RGL1: variants seen among roughly 807,000 people sequenced by gnomAD.
The protein encoded by RGL1 is ral guanine nucleotide dissociation stimulator like 1.
RGL1 carries 24 observed loss-of-function variants against 95.2 expected under a neutral mutation model. The observed-to-expected ratio is 0.25, with a 90% CI of 0.18 to 0.35. RGL1 has a LOEUF of 0.35. RGL1 is among the 10% of genes least tolerant of loss of function. The pLI, the probability that RGL1 is intolerant of heterozygous loss-of-function variation, is 1.00. For missense variants in RGL1, 715 were observed against 936.3 expected (o/e 0.76, Z 3.08); for synonymous variants, 329 against 344.9 (o/e 0.95, Z 0.51).
intron 15 of RGL1, 90 bp from the exon 16 acceptor site, chr1:183,916,357 A>G: frequency 6.8e-7 from 1 of 1,463,034 alleles, no homozygotes; most frequent in Non-Finnish European, 9.4e-7. Context: ...GCAGTCTATC[A>G]GTCTTGATAT....
In RGL1 at chr1:183,862,490, C is replaced by T. The variant is rs1454722771; in HGVS notation, c.348-3506C>T. Among the ~76,000 whole-genome samples the T allele has an allele frequency of 3.3e-5, 5 of 152,222 alleles. No individual in the cohort carries two copies. The East Asian group carries it at 5.8e-4, about 18-fold the overall frequency. ...CTTCTAAAAGACTTCTTTGGAATAG[C>T]GTGTATACTTTTGTTTTGCATTTTA... On this transcript the variant is annotated intron_variant, in intron 3 of 17. Transcript: ENST00000360851.
At chr1:183,726,517 A>G (rs1441610778) in intron 1 of RGL1, among the ~76,000 whole-genome samples, 1 of 152,156 alleles carries the variant, frequency 6.6e-6, no homozygotes, top group Non-Finnish European at 1.5e-5. Context: ...TTAATAAATT[A>G]AACAACCTTG....
intron 2 of RGL1, among the ~76,000 whole-genome samples, chr1:183,773,084 T>TA (rs1409269306): frequency 6.7e-6 from 1 of 149,926 alleles, no homozygotes; most frequent in Non-Finnish European, 1.5e-5. Context: ...AATGCCTTTG[T>TA]ACATTATATT....
chr1:183,743,127 T>C (rs995908494), intron 2 of RGL1, among the ~76,000 whole-genome samples: 1 of 152,166 alleles, frequency 6.6e-6, no homozygotes, highest in Non-Finnish European at 1.5e-5. Flanking sequence ...TCCTCCTGTC[T>C]CAGGCTCCCA....
At chr1:183,806,295 G>A in intron 1 of RGL1, 80 bp from the exon 2 acceptor site, 3 of 1,066,062 alleles carry the variant, frequency 2.8e-6, no homozygotes, top group South Asian at 2.7e-5. Flanking sequence ...GTTGTAAGCA[G>A]CAAGGCAGCT....
intron 1 of RGL1, chr1:183,646,457 A>C (rs1650300369): frequency 6.6e-6 from 1 of 152,112 alleles, no homozygotes; most frequent in Non-Finnish European, 1.5e-5. Flanking sequence ...ATAGCAAGTT[A>C]CGAGAAAATG....
intron 1 of RGL1, among the ~76,000 whole-genome samples, chr1:183,699,237 C>A (rs887388405): frequency 6.6e-6 from 1 of 152,228 alleles, no homozygotes; most frequent in Admixed American, 6.5e-5. Context: ...TTACCCTGAA[C>A]AATGTTTTTA....
chr1:183,746,748 C>A (rs1387292723), intron 2 of RGL1, among the ~76,000 whole-genome samples: 6 of 151,798 alleles, frequency 4.0e-5, no homozygotes, highest in African/African-American at 1.5e-4. Flanking sequence ...CTGCACCCAT[C>A]AACCTGTCAC....
At chr1:183,888,751 C>T (rs1284165916) in intron 8 of RGL1, among the ~76,000 whole-genome samples, 174 bp downstream of exon 8, 1 of 152,106 alleles carries the variant, frequency 6.6e-6, no homozygotes, top group African/African-American at 2.4e-5. Flanking sequence ...TGAGGCAGGG[C>T]TCCTGCAGAA....
chr1:183,862,901 A>T (rs546140195), intron 3 of RGL1, among the ~76,000 whole-genome samples: 12 of 152,360 alleles, frequency 7.9e-5, no homozygotes, highest in African/African-American at 2.4e-4. Flanking sequence ...AACAAAATGA[A>T]CTACACAGTA....
At chr1:183,913,647 G>C (rs867299660) in intron 15 of RGL1, among the ~76,000 whole-genome samples, 2 of 152,144 alleles carry the variant, frequency 1.3e-5, no homozygotes, top group African/African-American at 2.4e-5. Flanking sequence ...TTAGCTTATG[G>C]TTAGGTCAGT....
At chr1:183,880,361 T>C (rs977420637) in intron 4 of RGL1, among the ~76,000 whole-genome samples, 2 of 131,712 alleles carry the variant, frequency 1.5e-5, no homozygotes, top group Non-Finnish European at 3.3e-5. Flanking sequence ...AAGTTTAGCC[T>C]CCTTAAAACA....
intron 2 of RGL1, among the ~76,000 whole-genome samples, chr1:183,843,058 C>T (rs1572490076): frequency 6.6e-6 from 1 of 152,094 alleles, no homozygotes; most frequent in Admixed American, 6.6e-5. Context: ...TGAATGTTGG[C>T]AAATTAGAAG....
At chr1:183,799,199 GCCT>G (rs1029312801) in intron 2 of RGL1, among the ~76,000 whole-genome samples, 11 of 152,082 alleles carry the variant, frequency 7.2e-5, no homozygotes, top group Non-Finnish European at 1.5e-4. Context: ...ACCATGCCTG[GCCT>G]CCTTTTTTAA....
At chr1:183,877,614 T>C (rs1339672939) in intron 4 of RGL1, among the ~76,000 whole-genome samples, 1 of 152,156 alleles carries the variant, frequency 6.6e-6, no homozygotes, top group African/African-American at 2.4e-5. Context: ...ATTGTGCTGT[T>C]TGTGTATGTC....
intron 13 of RGL1, among the ~76,000 whole-genome samples, chr1:183,906,189 C>G (rs1291332013): frequency 6.6e-6 from 1 of 152,158 alleles, no homozygotes; most frequent in Non-Finnish European, 1.5e-5. Context: ...CAGGTCTGCC[C>G]GGCTCTACAG....
chr1:183,903,164 G>C (rs775369415), intron 12 of RGL1, among the ~76,000 whole-genome samples: 20 of 152,038 alleles, frequency 1.3e-4, no homozygotes, highest in African/African-American at 4.6e-4. Context: ...ATAAAAACCA[G>C]GTTTACCCTA....
chr1:183,719,963 G>T (rs1393564019), intron 1 of RGL1, among the ~76,000 whole-genome samples: 1 of 152,082 alleles, frequency 6.6e-6, no homozygotes, highest in Non-Finnish European at 1.5e-5. Context: ...AGTTAACATG[G>T]TCTGGTGAGG....
chr1:183,733,829 G>A (rs570374568), intron 1 of RGL1, among the ~76,000 whole-genome samples: 1 of 152,220 alleles, frequency 6.6e-6, no homozygotes, highest in African/African-American at 2.4e-5. Flanking sequence ...CTGATCAAAT[G>A]AAGGAGGAAT....
Sources: allele counts gnomAD v4.1 joint callset (sites outside exome capture counted in the v4.1 genomes callset), GRCh38; gene constraint gnomAD v4.1.1; transcripts MANE v1.5; gene names NCBI Gene and HGNC (gene_info 2026-07-23, HGNC 2026-07-21).